TFCP2: variants seen among roughly 807,000 people sequenced by gnomAD.
TFCP2 encodes transcription factor CP2, also known as alpha-globin transcription factor CP2.
TFCP2 carries 33 observed loss-of-function variants against 73.4 expected under a neutral mutation model. The observed-to-expected ratio is 0.45, with a 90% CI of 0.34 to 0.60. The LOEUF is 0.60. TFCP2 is among the 20% of genes least tolerant of loss of function. TFCP2 has a pLI of 0.01. For missense variants in TFCP2, 352 were observed against 604.0 expected (o/e 0.58, Z 4.37); for synonymous variants, 193 against 211.6 (o/e 0.91, Z 0.76).
intron 13 of TFCP2, among the ~76,000 whole-genome samples, chr12:51,098,550 CAGG>C (rs1159463876): frequency 3.3e-5 from 5 of 151,772 alleles, no homozygotes; most frequent in African/African-American, 1.2e-4. Flanking sequence ...CACTTGAATC[CAGG>C]AGGAGGAGGT....
intron 1 of TFCP2, chr12:51,124,807 C>G (rs748487034): frequency 9.9e-7 from 1 of 1,009,656 alleles, no homozygotes. Context: ...TGCTGCTCAG[C>G]CTTTTCCTTC....
chr12:51,133,351 G>T (rs1447714552), intron 1 of TFCP2, among the ~76,000 whole-genome samples: 1 of 151,698 alleles, frequency 6.6e-6, no homozygotes, highest in African/African-American at 2.4e-5. Context: ...TGTTGCCCAG[G>T]TGGGGTACAG....
intron 1 of TFCP2, among the ~76,000 whole-genome samples, chr12:51,138,406 C>T (rs1235079237): frequency 2.0e-5 from 3 of 152,140 alleles, no homozygotes; most frequent in Non-Finnish European, 2.9e-5. Context: ...ATCCAACCGC[C>T]TCGGCCTCCC....
Position 51,172,403 on chromosome 12 carries a change from A to C in TFCP2, c.20T>G (p.Leu7Arg), listed in dbSNP as rs1007467681. Residue 7 changes from leucine to arginine, a missense_variant, in exon 1 of 15, where the codon CTG (leucine) becomes CGG (arginine). This residue lies in a region of TFCP2 where 76 missense variants were observed against 163.2 expected (regional missense o/e 0.47). Transcript: ENST00000257915. MAWALK[L>R]PLADEVIESG... ...TTCAATCACTTCGTCGGCCAGAGGC[A>C]GCTTCAGAGCCCAGGCCATCCTGGC... 1 of 1,614,156 alleles carries C rather than the reference A, an allele frequency of 6.2e-7. No individual in the cohort carries two copies. The highest frequency in any genetic ancestry group is 1.3e-5 in the African/African-American group (1 of 75,040).
intron 1 of TFCP2, 143 bp from the exon 2 acceptor site, chr12:51,118,915 A>G: frequency 1.1e-6 from 1 of 936,762 alleles, no homozygotes; most frequent in Non-Finnish European, 1.6e-6. Flanking sequence ...TTCCATTTAG[A>G]TTACCTGCTG....
intron 1 of TFCP2, among the ~76,000 whole-genome samples, chr12:51,133,477 G>C (rs1940996698): frequency 6.6e-6 from 1 of 152,008 alleles, no homozygotes; most frequent in African/African-American, 2.4e-5. Flanking sequence ...GCTAATTTTT[G>C]TATTTTTTTG....
At chr12:51,169,186 T>C (rs1056406537) in intron 1 of TFCP2, among the ~76,000 whole-genome samples, 4 of 151,988 alleles carry the variant, frequency 2.6e-5, no homozygotes, top group Non-Finnish European at 5.9e-5. Context: ...CACAAATTAA[T>C]AGAATAGATT....
At chr12:51,153,329 T>G (rs1435977904) in intron 1 of TFCP2, among the ~76,000 whole-genome samples, 1 of 152,080 alleles carries the variant, frequency 6.6e-6, no homozygotes, top group East Asian at 1.9e-4. Flanking sequence ...TGAATTGTGA[T>G]TGTGCCACTG....
intron 1 of TFCP2, among the ~76,000 whole-genome samples, chr12:51,144,122 G>A (rs532810504): frequency 4.6e-5 from 7 of 152,166 alleles, no homozygotes; most frequent in South Asian, 2.1e-4. Flanking sequence ...TTCAACTGCC[G>A]AGGCTCAAGC....
chr12:51,160,414 C>A (rs1042173372), intron 1 of TFCP2, among the ~76,000 whole-genome samples: 1 of 151,696 alleles, frequency 6.6e-6, no homozygotes, highest in East Asian at 1.9e-4. Context: ...GGATTATAGG[C>A]GTGAGCCACC....
chr12:51,103,862 G>A lies in TFCP2; in HGVS notation c.967-99C>T, dbSNP rs1214730996. 4.2e-6 allele frequency: 4 copies of A among 962,792 alleles called. No homozygotes were observed. The Admixed American group carries it at 9.0e-5, about 22-fold the overall frequency. The allele number at this position is 962,792 out of a possible 1,614,324, so 59.6% of individuals were successfully genotyped here. On this transcript the variant is annotated intron_variant, in intron 9 of 14. Coordinates refer to ENST00000257915, the MANE Select transcript of TFCP2 (RefSeq NM_005653.5). ...ACACCCCACACAACCCCATACTCAG[G>A]CCTAGTTTGTGAAAGTTGTTTTCTC...
At position 51,109,259 on chromosome 12, in the gene TFCP2, G is replaced by A. The variant is rs111782281; in HGVS notation, c.579C>T (p.Ser193=). Residue 193 remains serine, a synonymous_variant, in exon 6 of 15, where the codon AGC becomes AGT. Coordinates refer to ENST00000257915, the MANE Select transcript of TFCP2 (RefSeq NM_005653.5). ...TSVFIQVHCI[S]TEFTMRKHGG... ...CATGTTTCCTCATAGTGAACTCTGT[G>A]CTAATACAGTGCACCTGAAAAGAAT... is the stretch of plus-strand genomic sequence containing the variant. 6.2e-7 allele frequency: 1 copy of A among 1,614,102 alleles called. No individual in the cohort carries two copies. The highest frequency in any genetic ancestry group is 8.5e-7 in the Non-Finnish European group (1 of 1,180,024).
intron 6 of TFCP2, 96 bp from the exon 7 acceptor site, chr12:51,107,442 T>C: frequency 2.1e-6 from 2 of 955,218 alleles, no homozygotes; most frequent in Admixed American, 2.2e-5. Flanking sequence ...TGAAACAAAA[T>C]TGTATGTGCA....
intron 1 of TFCP2, among the ~76,000 whole-genome samples, chr12:51,158,774 C>T (rs1399189618): frequency 2.6e-5 from 4 of 151,158 alleles, no homozygotes; most frequent in Non-Finnish European, 5.9e-5. Flanking sequence ...CAGGCGTGAC[C>T]CACCACACCC....
Position 51,095,150 on chromosome 12 carries a change from G to T in TFCP2, c.*91C>A. On this transcript the variant is annotated 3_prime_UTR_variant, in exon 15 of 15. Coordinates refer to ENST00000257915, the MANE Select transcript of TFCP2 (RefSeq NM_005653.5). ...CAGTCAGACGAGTCAGGTTCTTGCA[G>T]ACCTTCAAATCTCCATTCATATCCC... 7.1e-7 allele frequency: 1 copy of T among 1,405,242 alleles called. No homozygotes were observed. Among genetic ancestry groups the T allele is most frequent in the South Asian group, 1.1e-5 (1 of 87,018 alleles). 87.0% of individuals were successfully genotyped at this position (1,405,242 alleles called of 1,614,324 possible).
intron 1 of TFCP2, among the ~76,000 whole-genome samples, chr12:51,145,677 G>T (rs535881939): frequency 6.6e-6 from 1 of 151,954 alleles, no homozygotes; most frequent in Admixed American, 6.6e-5. Context: ...GCCAGGCATG[G>T]TGGCTAATGC....
At chr12:51,115,181 G>A (rs1337126849) in intron 4 of TFCP2, among the ~76,000 whole-genome samples, 19 of 142,184 alleles carry the variant, frequency 1.3e-4, no homozygotes, top group African/African-American at 3.1e-4. Context: ...GTGCAGTGGC[G>A]TGGTCTTGGC....
At position 51,117,654 on chromosome 12, in the gene TFCP2, TG is replaced by T; in HGVS notation, c.351+16del. ...TAGTAAAAAATATTGTACAGAAGAA[TG>T]ATTTATTCGTTTTACCTTCACCAAT... On this transcript the variant is annotated intron_variant, in intron 3 of 14. Transcript: ENST00000257915. 6.3e-7 allele frequency: 1 copy of T among 1,589,740 alleles called. No homozygotes were observed. The highest frequency in any genetic ancestry group is 8.6e-7 in the Non-Finnish European group (1 of 1,160,438).
rs1419983618 is a variant in TFCP2 at position 51,105,394 on chromosome 12, T to A, written c.917+1131A>T. The stretch of plus-strand genomic sequence containing the variant: ...GGTGTGAGCCACCGCGCCCAGCCTG[T>A]TTTTCTTTATACGTTCTTTGTCTAT... On this transcript the variant is annotated intron_variant, in intron 8 of 14. Transcript: ENST00000257915. Among the ~76,000 whole-genome samples the A allele has an allele frequency of 2.0e-5, 3 of 152,270 alleles. No homozygotes were observed. In the East Asian group the frequency reaches 5.8e-4, roughly 29 times the overall value.
Sources: allele counts gnomAD v4.1 joint callset (sites outside exome capture counted in the v4.1 genomes callset), GRCh38; gene constraint gnomAD v4.1.1; regional missense constraint gnomAD v4.1.1; transcripts MANE v1.5; gene names NCBI Gene and HGNC (gene_info 2026-07-23, HGNC 2026-07-21).